CTNNA3: variants seen among roughly 807,000 people sequenced by gnomAD.
CTNNA3 encodes the protein catenin alpha 3, also known as catenin alpha-3.
In CTNNA3, 76 loss-of-function variants were observed where a neutral mutation model predicts 95.7. The observed-to-expected ratio is 0.79, with a 90% CI of 0.66 to 0.96. The LOEUF is 0.96. Ranked by LOEUF, CTNNA3 falls within the 40% of genes least tolerant of loss-of-function variation. CTNNA3 has a pLI of 0.00. For synonymous variants in CTNNA3, 431 were observed against 374.4 expected (o/e 1.15, Z -1.74); for missense variants, 1,191 against 1,089.8 (o/e 1.09, Z -1.31).
intron 5 of CTNNA3, among the ~76,000 whole-genome samples, chr10:67,455,512 A>G (rs919847388): frequency 3.9e-5 from 6 of 152,134 alleles, no homozygotes; most frequent in African/African-American, 1.4e-4. Flanking sequence ...TGAGGAAGTA[A>G]CCTTGCAGTG....
intron 11 of CTNNA3, among the ~76,000 whole-genome samples, chr10:66,448,028 A>T (rs2093435936): frequency 6.6e-6 from 1 of 152,240 alleles, no homozygotes. Flanking sequence ...ATATGAGCAG[A>T]TACTTCTCAA....
chr10:66,280,904 C>T (rs867335485), intron 12 of CTNNA3, among the ~76,000 whole-genome samples: 6 of 151,662 alleles, frequency 4.0e-5, no homozygotes, highest in African/African-American at 1.4e-4. Flanking sequence ...TATCTTTCTC[C>T]TTTATATCAT....
intron 5 of CTNNA3, among the ~76,000 whole-genome samples, chr10:67,465,577 C>T (rs923852219): frequency 3.9e-5 from 6 of 152,108 alleles, no homozygotes; most frequent in African/African-American, 1.4e-4. Flanking sequence ...GGGTCCACAG[C>T]CTTCAGGGAA....
intron 7 of CTNNA3, among the ~76,000 whole-genome samples, chr10:67,139,815 C>T (rs1055183890): frequency 5.9e-5 from 9 of 152,040 alleles, no homozygotes; most frequent in African/African-American, 9.7e-5. Context: ...TATAAAACAG[C>T]GTATCATTAT....
intron 12 of CTNNA3, among the ~76,000 whole-genome samples, chr10:66,373,013 T>C (rs2092765571): frequency 6.6e-6 from 1 of 152,152 alleles, no homozygotes; most frequent in African/African-American, 2.4e-5. Flanking sequence ...TATGATTCTT[T>C]AATATCCACT....
chr10:67,038,460 C>T (rs563633236), intron 7 of CTNNA3, among the ~76,000 whole-genome samples: 231 of 152,060 alleles, frequency 1.5e-3, no homozygotes, highest in Admixed American at 2.4e-3. Flanking sequence ...ATTAGAAAAT[C>T]CTAGGCTACT....
chr10:66,082,242 A>G (rs1042605876), intron 14 of CTNNA3, among the ~76,000 whole-genome samples: 1 of 152,130 alleles, frequency 6.6e-6, no homozygotes, highest in African/African-American at 2.4e-5. Context: ...GACAAAAACC[A>G]ACATCACCAG....
intron 5 of CTNNA3, among the ~76,000 whole-genome samples, chr10:67,258,734 T>C (rs946246634): frequency 6.6e-6 from 1 of 152,196 alleles, no homozygotes; most frequent in African/African-American, 2.4e-5. Context: ...TGTAAAAACA[T>C]TCATTGTATC....
At chr10:67,129,791 C>T (rs1209057505) in intron 7 of CTNNA3, among the ~76,000 whole-genome samples, 1 of 152,124 alleles carries the variant, frequency 6.6e-6, no homozygotes, top group African/African-American at 2.4e-5. Context: ...TCCATTCAAA[C>T]ATTTAGCAAA....
At chr10:66,763,482 A>AT (rs1312572644) in intron 9 of CTNNA3, among the ~76,000 whole-genome samples, 6 of 151,454 alleles carry the variant, frequency 4.0e-5, no homozygotes, top group Admixed American at 6.6e-5. Flanking sequence ...AGTTGAAAAA[A>AT]AAATTGTTAC....
intron 7 of CTNNA3, among the ~76,000 whole-genome samples, chr10:66,900,562 A>C (rs367658889): frequency 6.6e-6 from 1 of 152,172 alleles, no homozygotes; most frequent in African/African-American, 2.4e-5. Context: ...AAAGTCGGTA[A>C]TAACAAACTT....
chr10:66,509,933 G>C (rs1196801123), intron 11 of CTNNA3, among the ~76,000 whole-genome samples: 1 of 151,830 alleles, frequency 6.6e-6, no homozygotes, highest in Admixed American at 6.6e-5. Context: ...ATTTCTGTAA[G>C]GAATGACAGT....
intron 10 of CTNNA3, among the ~76,000 whole-genome samples, chr10:66,611,700 A>G (rs904926778): frequency 1.1e-4 from 17 of 152,098 alleles, no homozygotes; most frequent in African/African-American, 3.6e-4. Flanking sequence ...TCACTGGAGT[A>G]TCTGTCTTTG....
intron 7 of CTNNA3, among the ~76,000 whole-genome samples, chr10:67,035,080 G>A (rs919940399): frequency 6.6e-6 from 1 of 152,136 alleles, no homozygotes; most frequent in African/African-American, 2.4e-5. Flanking sequence ...GCTCCGCATA[G>A]CCCAATCTAA....
intron 5 of CTNNA3, among the ~76,000 whole-genome samples, chr10:67,509,392 C>T (rs1839534287): frequency 6.6e-6 from 1 of 152,072 alleles, no homozygotes; most frequent in Non-Finnish European, 1.5e-5. Flanking sequence ...TGCCCTGTGT[C>T]CAAGTGTTCC....
intron 7 of CTNNA3, among the ~76,000 whole-genome samples, chr10:66,888,991 GATAA>G (rs1246549132): frequency 6.6e-6 from 1 of 152,072 alleles, no homozygotes; most frequent in Non-Finnish European, 1.5e-5. Context: ...TTAGCAAATA[GATAA>G]ATAAACTGGG....
At chr10:67,181,636 T>A (rs1313172710) in intron 6 of CTNNA3, among the ~76,000 whole-genome samples, 1 of 152,058 alleles carries the variant, frequency 6.6e-6, no homozygotes, top group Non-Finnish European at 1.5e-5. Flanking sequence ...GTATTTTATA[T>A]AGGTAGAGGT....
intron 12 of CTNNA3, among the ~76,000 whole-genome samples, chr10:66,309,216 C>G (rs1564855559): frequency 6.6e-6 from 1 of 152,084 alleles, no homozygotes; most frequent in Non-Finnish European, 1.5e-5. Flanking sequence ...AACATGAGAC[C>G]TAGAACTATA....
chr10:66,733,775 A>T (rs2132673277), intron 9 of CTNNA3, among the ~76,000 whole-genome samples: 1 of 151,768 alleles, frequency 6.6e-6, no homozygotes, highest in South Asian at 2.1e-4. Flanking sequence ...GCTTCTTTAC[A>T]TCTATTTTCT....
Sources: allele counts gnomAD v4.1 joint callset (sites outside exome capture counted in the v4.1 genomes callset), GRCh38; gene constraint gnomAD v4.1.1; transcripts MANE v1.5; gene names NCBI Gene and HGNC (gene_info 2026-07-23, HGNC 2026-07-21).